The following TLR6 variants were observed in gnomAD, a reference collection of about 807,000 sequenced individuals.
The protein encoded by TLR6 is toll like receptor 6, also known as toll-like receptor 6.
TLR6 carries 9 observed loss-of-function variants against 16.1 expected under a neutral mutation model. That is an observed-to-expected ratio of 0.56 (90% CI 0.34 to 0.98). The LOEUF (loss-of-function observed/expected upper bound fraction) is 0.98, where lower values mean the gene tolerates loss of function less well. Ranked by LOEUF, TLR6 falls within the 50% of genes least tolerant of loss-of-function variation. TLR6 has a pLI of 0.02. For missense variants in TLR6, 786 were observed against 921.0 expected (o/e 0.85, Z 1.90); for synonymous variants, 340 against 338.6 (o/e 1.00, Z -0.04).
chr4:38,828,928 A>G lies in TLR6; in HGVS notation c.546T>C (p.Tyr182=), dbSNP rs1233232985. 1.3e-5 allele frequency: 21 copies of G among 1,608,706 alleles called. No individual in the cohort carries two copies. In the Admixed American group the frequency reaches 3.4e-4, roughly 26 times the overall value. The change falls in exon 2 of 2, where the codon TAT becomes TAC. Residue 182 remains tyrosine (Y), a synonymous_variant. Transcript: ENST00000436693. ...GACTTTCTGTCTCATTTTCTTTTATATAATAATTTCTTAAATCCAGAAGGA... is the reference window on the plus strand; with the variant it reads ...GACTTTCTGTCTCATTTTCTTTTATGTAATAATTTCTTAAATCCAGAAGGA...
chr4:38,844,675 T>G (rs540738273), intron 1 of TLR6, among the ~76,000 whole-genome samples: 1 of 152,340 alleles, frequency 6.6e-6, no homozygotes, highest in African/African-American at 2.4e-5. Flanking sequence ...GTCAAATACA[T>G]ACATCTTAAA....
At chr4:38,863,546 C>T in the TLR6 span, among the ~76,000 whole-genome samples, 1 of 152,170 alleles carries the variant, frequency 6.6e-6, no homozygotes, top group Admixed American at 6.5e-5. Context: ...CCTCTTGCAT[C>T]CTTCCTCATA....
upstream of TLR6, among the ~76,000 whole-genome samples, chr4:38,860,755 A>G (rs1713176840): frequency 6.6e-6 from 1 of 152,202 alleles, no homozygotes; most frequent in Non-Finnish European, 1.5e-5. Flanking sequence ...ATGCATCCTC[A>G]TTAGAACATG....
At chr4:38,841,515 A>G (rs6843043) in intron 1 of TLR6, among the ~76,000 whole-genome samples, 60,384 of 152,072 alleles carry the variant, frequency 0.4, 15,835 homozygotes, top group East Asian at 0.71. Context: ...GCTTGAGCCC[A>G]GGAGACAGAG....
intron 1 of TLR6, among the ~76,000 whole-genome samples, chr4:38,838,762 C>T (rs75727044): frequency 0.032 from 4,898 of 151,994 alleles, 229 homozygotes; most frequent in African/African-American, 0.089. Flanking sequence ...CACCCACACA[C>T]AAAATGATGT....
intron 1 of TLR6, among the ~76,000 whole-genome samples, chr4:38,848,396 G>A (rs1043095170): frequency 1.3e-5 from 2 of 152,222 alleles, no homozygotes; most frequent in East Asian, 1.9e-4. Flanking sequence ...CCAAAGGAAC[G>A]CAGCTCCTCG....
intron 1 of TLR6, among the ~76,000 whole-genome samples, chr4:38,836,292 G>A (rs1310219375): frequency 6.6e-6 from 1 of 151,896 alleles, no homozygotes; most frequent in Admixed American, 6.6e-5. Flanking sequence ...AATAAAAAAG[G>A]AGACATTACA....
chr4:38,842,191 C>T (rs1712296980), intron 1 of TLR6, among the ~76,000 whole-genome samples: 2 of 152,030 alleles, frequency 1.3e-5, no homozygotes, highest in Admixed American at 1.3e-4. Context: ...GAGGCCTGGC[C>T]AGGAGGTGGA....
At chr4:38,859,163 T>C (rs1486383065), upstream of TLR6, among the ~76,000 whole-genome samples, 1 of 152,248 alleles carries the variant, frequency 6.6e-6, no homozygotes, top group Non-Finnish European at 1.5e-5. Flanking sequence ...CCAGTGCCTA[T>C]GCACTTAAGC....
chr4:38,842,852 CTT>C (rs200422208), intron 1 of TLR6, among the ~76,000 whole-genome samples: 4,794 of 148,572 alleles, frequency 0.032, 220 homozygotes, highest in African/African-American at 0.09. Flanking sequence ...ATATACTGTG[CTT>C]TTTTTTTTTA....
chr4:38,852,175 A>G (rs1289511517), intron 1 of TLR6, among the ~76,000 whole-genome samples: 1 of 152,260 alleles, frequency 6.6e-6, no homozygotes, highest in African/African-American at 2.4e-5. Context: ...CTGGCTAGCC[A>G]TATGGAGAAA....
At chr4:38,841,546 T>G (rs1354376051) in intron 1 of TLR6, among the ~76,000 whole-genome samples, 1 of 151,908 alleles carries the variant, frequency 6.6e-6, no homozygotes, top group East Asian at 1.9e-4. Context: ...TGAGCAGAGA[T>G]TAAAAGGAGA....
At chr4:38,831,039 A>G (rs867026873) in intron 1 of TLR6, among the ~76,000 whole-genome samples, 54 of 151,732 alleles carry the variant, frequency 3.6e-4, no homozygotes, top group African/African-American at 1.5e-4. Context: ...AAAAAAAAAA[A>G]AAAGAAATTA....
chr4:38,855,205 C>T (rs1176909412), intron 1 of TLR6, among the ~76,000 whole-genome samples: 3 of 132,570 alleles, frequency 2.3e-5, no homozygotes, highest in Non-Finnish European at 3.3e-5. Context: ...GAGCAAGACT[C>T]CGTCTCAAAA....
intron 1 of TLR6, among the ~76,000 whole-genome samples, chr4:38,834,294 C>A (rs1579244786): frequency 1.6e-5 from 2 of 122,656 alleles, no homozygotes; most frequent in Admixed American, 8.7e-5. Flanking sequence ...CTAGATTGAG[C>A]AAAATAAAGA....
At chr4:38,833,783 G>A (rs1224895357) in intron 1 of TLR6, among the ~76,000 whole-genome samples, 2 of 152,082 alleles carry the variant, frequency 1.3e-5, no homozygotes, top group African/African-American at 2.4e-5. Flanking sequence ...AGAGAGCATA[G>A]ATAAATAATA....
At chr4:38,862,469 C>T in the TLR6 span, among the ~76,000 whole-genome samples, 24,501 of 151,882 alleles carry the variant, frequency 0.16, 2,507 homozygotes, top group Middle Eastern at 0.4. Context: ...TTAGTACAGA[C>T]GGGGTTTTGC....
chr4:38,858,236 C>A (rs1231007396), upstream of TLR6, among the ~76,000 whole-genome samples: 1 of 152,178 alleles, frequency 6.6e-6, no homozygotes, highest in Non-Finnish European at 1.5e-5. Context: ...AGGCTTGGGA[C>A]AAGTCCCTTA....
intron 1 of TLR6, among the ~76,000 whole-genome samples, chr4:38,850,556 T>G (rs1219051436): frequency 6.6e-6 from 1 of 152,176 alleles, no homozygotes; most frequent in African/African-American, 2.4e-5. Flanking sequence ...ATATCACCAC[T>G]GATCCCACAG....
Sources: allele counts gnomAD v4.1 joint callset (sites outside exome capture counted in the v4.1 genomes callset), GRCh38; gene constraint gnomAD v4.1.1; transcripts MANE v1.5; gene names NCBI Gene and HGNC (gene_info 2026-07-23, HGNC 2026-07-21).